Variants in LMO3 observed in about 807,000 individuals in gnomAD.
LMO3 encodes LIM domain only protein 3.
In LMO3, 2 loss-of-function variants were observed where a neutral mutation model predicts 15.8. The observed-to-expected ratio is 0.13, with a 90% CI of 0.05 to 0.40. The LOEUF (loss-of-function observed/expected upper bound fraction) is 0.40, where lower values mean the gene tolerates loss of function less well. LMO3 is among the 10% of genes least tolerant of loss of function. The pLI is 0.99. For missense variants in LMO3, 86 were observed against 182.2 expected, an observed-to-expected ratio of 0.47 and a Z score of 3.04; for synonymous variants, 62 against 63.8, an observed-to-expected ratio of 0.97 and a Z score of 0.13.
At chr12:16,574,767 A>C (rs1277924799) in intron 2 of LMO3, among the ~76,000 whole-genome samples, 1 of 152,224 alleles carries the variant, frequency 6.6e-6, no homozygotes, top group East Asian at 1.9e-4. Flanking sequence ...CTGTAATAGA[A>C]AAATTAATCC....
chr12:16,600,846 C>G lies in LMO3; in HGVS notation c.15G>C (p.Gln5His). ...CACAACCTTTCGGCTTGGTGTCTGG[C>G]TGGACTGAGAGCATTTGTATACCTA... MLSV[Q>H]PDTKPKGCAG... The change falls in exon 2 of 4, where the codon CAG becomes CAC. Residue 5 changes from glutamine to histidine, a missense_variant. This residue lies in a region of LMO3 where 16 missense variants were observed against 21.8 expected (regional missense o/e 0.73). Transcript: ENST00000537304. 1 of 1,613,956 alleles carries G rather than the reference C, an allele frequency of 6.2e-7. No homozygotes were observed. Among genetic ancestry groups the G allele is most frequent in the Non-Finnish European group, 8.5e-7 (1 of 1,179,962 alleles).
rs1480724268 is a variant in LMO3 at position 16,603,624 on chromosome 12, T to C, written c.-9+2442A>G. ...GGAAATCATAATTAAAAAAAAGACA[T>C]AAATAATAGCCTGTGCAGTGTGGTG... is the stretch of plus-strand genomic sequence containing the variant. On this transcript the variant is annotated intron_variant, in intron 1 of 3. Transcript: ENST00000537304. This position sits in a 1 kb window ranked among gnomAD's most constrained non-coding sequence, Gnocchi z 4.9. Among the ~76,000 whole-genome samples the C allele has an allele frequency of 6.6e-6, 1 of 152,268 alleles. No individual in the cohort carries two copies. Among genetic ancestry groups the C allele is most frequent in the Middle Eastern group, 3.4e-3 (1 of 294 alleles).
At chr12:16,556,078 C>G (rs554563907) in intron 3 of LMO3, among the ~76,000 whole-genome samples, 1 of 152,248 alleles carries the variant, frequency 6.6e-6, no homozygotes, top group African/African-American at 2.4e-5. Flanking sequence ...TCAGCTTCCA[C>G]AGAGCCTAGC....
rs1943563889 is a variant in LMO3 at position 16,593,767 on chromosome 12, T to C, written c.206+6888A>G. On this transcript the variant is annotated intron_variant, in intron 2 of 3. Transcript: ENST00000537304. The surrounding 1 kb of genome is among the most constrained non-coding windows in gnomAD (Gnocchi z 4.2). ...GGGGGAAAGGCATAAGCCAAAGGAA[T>C]TGTTTTAAAGTTAGAAATGAAAAGC... is the stretch of plus-strand genomic sequence containing the variant. Among the ~76,000 whole-genome samples the C allele has an allele frequency of 6.6e-6, 1 of 151,790 alleles. No homozygotes were observed. Among genetic ancestry groups the C allele is most frequent in the South Asian group, 2.1e-4 (1 of 4,828 alleles).
intron 1 of LMO3, 53 bp downstream of exon 1, chr12:16,606,013 G>C (rs756365884): frequency 3.3e-6 from 2 of 607,510 alleles, no homozygotes; most frequent in African/African-American, 3.7e-5. Flanking sequence ...CGCACCCGCA[G>C]ACACACACAC....
rs1942964808 is a variant in LMO3, at chr12:16,575,450, G to A, written c.207-14912C>T. 3.9e-5 allele frequency among the ~76,000 whole-genome samples: 6 copies of A among 152,116 alleles called. No individual in the cohort carries two copies. In the South Asian group the frequency reaches 1.2e-3, roughly 32 times the overall value. On this transcript the variant is annotated intron_variant, in intron 2 of 3. Transcript: ENST00000537304. ...AAACATCTGAAATCAATATCAATAC[G>A]AAATTTGGTCAATTATGTAAGGGCT... is the stretch of plus-strand genomic sequence containing the variant.
At chr12:16,552,142 G>A (rs925012506) in intron 3 of LMO3, among the ~76,000 whole-genome samples, 1 of 151,910 alleles carries the variant, frequency 6.6e-6, no homozygotes, top group African/African-American at 2.4e-5. Context: ...ATTTCCCCAC[G>A]GTGACACTTT....
At chr12:16,562,257 G>C (rs1942433764) in intron 2 of LMO3, among the ~76,000 whole-genome samples, 1 of 152,006 alleles carries the variant, frequency 6.6e-6, no homozygotes, top group Non-Finnish European at 1.5e-5. Context: ...TAGGAGATCT[G>C]CTTAGGAGAT....
chr12:16,560,529 A>G lies in LMO3; in HGVS notation c.216T>C (p.Gly72=), dbSNP rs1420760657. 1 of 1,607,672 alleles carries G rather than the reference A, an allele frequency of 6.2e-7. No individual in the cohort carries two copies. The highest frequency in any genetic ancestry group is 8.5e-7 in the Non-Finnish European group (1 of 1,178,192). The change falls in exon 3 of 4, where the codon GGT becomes GGC. Residue 72 remains glycine (G), a synonymous_variant. Transcript: ENST00000537304. This position sits in a 1 kb window ranked among gnomAD's most constrained non-coding sequence, Gnocchi z 5.0. ...TACAGGCAGCGCAGTTTCCCGTTACACCAAAGAGCCTAGAATAAGAAACAT... is the reference window on the plus strand; with the variant it reads ...TACAGGCAGCGCAGTTTCCCGTTACGCCAAAGAGCCTAGAATAAGAAACAT... ...LCRRDYLRLF[G]VTGNCAACSK... is the part of the protein sequence containing the mutation.
At chr12:16,554,315 TAATGTTAGTGACTGAC>T (rs758353227) in intron 3 of LMO3, among the ~76,000 whole-genome samples, 12 of 152,242 alleles carry the variant, frequency 7.9e-5, no homozygotes, top group Non-Finnish European at 1.6e-4. Flanking sequence ...CTTCTTTCCC[TAATGTTAGTGACTGAC>T]AATTATGATT....
At chr12:16,567,123 G>A (rs1191388726) in intron 2 of LMO3, among the ~76,000 whole-genome samples, 1 of 152,132 alleles carries the variant, frequency 6.6e-6, no homozygotes, top group Non-Finnish European at 1.5e-5. Context: ...TTGAACCTGC[G>A]AGGCGGAGGT....
rs185908896 is a variant in LMO3 at position 16,585,927 on chromosome 12, A to T, written c.206+14728T>A. On this transcript the variant is annotated intron_variant, in intron 2 of 3. Transcript: ENST00000537304. This position sits in a 1 kb window ranked among gnomAD's most constrained non-coding sequence, Gnocchi z 4.7. ...AGTCTCAGAAATCTTGCTTATCCTA[A>T]GATCTGGGCGACATTTCACCAGTGA... is the stretch of plus-strand genomic sequence containing the variant. 1.3e-3 allele frequency among the ~76,000 whole-genome samples: 198 copies of T among 152,282 alleles called. 1 individual carries two copies. The highest frequency in any genetic ancestry group is 3.5e-3 in the African/African-American group (146 of 41,570).
rs1197198122 is a variant in LMO3 at position 16,555,149 on chromosome 12, C to G, written c.333-3822G>C. ...AACGGTGTTTGGTGTTTGACTAATACTTTATCAGAATTTGCTATCATTATT... is the reference window on the plus strand; with the variant it reads ...AACGGTGTTTGGTGTTTGACTAATAGTTTATCAGAATTTGCTATCATTATT... On this transcript the variant is annotated intron_variant, in intron 3 of 3. Coordinates refer to ENST00000537304, the MANE Select transcript of LMO3 (RefSeq NM_018640.5). This position sits in a 1 kb window ranked among gnomAD's most constrained non-coding sequence, Gnocchi z 5.5. Among the ~76,000 whole-genome samples, 1 of 152,206 alleles carries G rather than the reference C, an allele frequency of 6.6e-6. No individual in the cohort carries two copies. The highest frequency in any genetic ancestry group is 1.5e-5 in the Non-Finnish European group (1 of 68,034).
rs1011920580 is a variant in LMO3, at chr12:16,550,873, A to T, written c.*349T>A. On this transcript the variant is annotated 3_prime_UTR_variant, in exon 4 of 4. Coordinates refer to ENST00000537304, the MANE Select transcript of LMO3 (RefSeq NM_018640.5). ...CAATACAAAGAAGCAAATGGAACAC[A>T]AATGGTAACACAATAAAACTGTATT... is the stretch of plus-strand genomic sequence containing the variant. The T allele has an allele frequency of 1.1e-5, 2 of 177,830 alleles. No homozygotes were observed. Among genetic ancestry groups the T allele is most frequent in the African/African-American group, 4.7e-5 (2 of 42,512 alleles). 11.0% of individuals were successfully genotyped at this position (177,830 alleles called of 1,614,324 possible).
At chr12:16,577,664 A>T (rs1484390648) in intron 2 of LMO3, among the ~76,000 whole-genome samples, 3 of 152,188 alleles carry the variant, frequency 2.0e-5, no homozygotes, top group Non-Finnish European at 2.9e-5. Flanking sequence ...GGACATTCTC[A>T]TCTCATAACA....
chr12:16,600,134 G>A (rs1472740131), intron 2 of LMO3: 1 of 153,002 alleles, frequency 6.5e-6, no homozygotes, highest in African/African-American at 2.4e-5. Flanking sequence ...AATAACTTTA[G>A]AAGACTAAAT....
At chr12:16,552,195 G>A (rs1241326456) in intron 3 of LMO3, among the ~76,000 whole-genome samples, 3 of 151,896 alleles carry the variant, frequency 2.0e-5, no homozygotes, top group Non-Finnish European at 4.4e-5. Context: ...TCTGTTTCTG[G>A]TACATTTAAC....
At chr12:16,564,265 A>G (rs554130999) in intron 2 of LMO3, among the ~76,000 whole-genome samples, 41 of 152,176 alleles carry the variant, frequency 2.7e-4, no homozygotes, top group Non-Finnish European at 5.7e-4. Context: ...GTGAGCATGC[A>G]CAGAGAAATA....
At chr12:16,595,862 C>T (rs955948966) in intron 2 of LMO3, among the ~76,000 whole-genome samples, 2 of 151,144 alleles carry the variant, frequency 1.3e-5, no homozygotes, top group African/African-American at 4.8e-5. Flanking sequence ...GAATTTAGAA[C>T]AGTAAAAAGT....
Sources: gnomAD v4.1 joint callset for allele counts (sites outside exome capture counted in the v4.1 genomes callset) on GRCh38, gnomAD v4.1.1 for gene constraint, gnomAD v4.1.1 regional missense constraint, Gnocchi (gnomAD v3.1) non-coding constraint, MANE v1.5 for transcripts, NCBI Gene and HGNC (gene_info 2026-07-23, HGNC 2026-07-21) for gene names.